Variants in GALNTL6 observed in about 807,000 individuals in gnomAD.
The protein encoded by GALNTL6 is polypeptide N-acetylgalactosaminyltransferase like 6, also known as polypeptide N-acetylgalactosaminyltransferase-like 6.
A neutral mutation model predicts 73.7 loss-of-function variants in GALNTL6; 46 were observed. The ratio of observed to expected loss-of-function variants is 0.62; its 90% CI spans 0.49 to 0.80. GALNTL6 has a LOEUF of 0.80. Ranked by LOEUF, GALNTL6 falls within the 30% of genes least tolerant of loss-of-function variation. The pLI, the probability that GALNTL6 is intolerant of heterozygous loss-of-function variation, is 0.00. For missense variants in GALNTL6, 604 were observed against 755.0 expected (o/e 0.80, Z 2.34); for synonymous variants, 259 against 263.7 (o/e 0.98, Z 0.17).
chr4:172,007,502 A>C (rs1010395442), intron 2 of GALNTL6, among the ~76,000 whole-genome samples: 1 of 152,174 alleles, frequency 6.6e-6, no homozygotes, highest in East Asian at 1.9e-4. Context: ...GAAATCAAGT[A>C]ACAGCAGCAA....
At chr4:172,696,714 T>G (rs1038105289) in intron 5 of GALNTL6, among the ~76,000 whole-genome samples, 7 of 152,202 alleles carry the variant, frequency 4.6e-5, no homozygotes, top group Non-Finnish European at 7.4e-5. Context: ...TCCCTGACCA[T>G]GTGGAACTGT....
At chr4:173,023,134 C>A (rs72708768) in intron 12 of GALNTL6, among the ~76,000 whole-genome samples, 1 of 152,148 alleles carries the variant, frequency 6.6e-6, no homozygotes, top group South Asian at 2.1e-4. Context: ...AGTGTCCCCC[C>A]AAATTACAGA....
At chr4:172,832,171 G>A (rs1742675746) in intron 7 of GALNTL6, among the ~76,000 whole-genome samples, 1 of 152,082 alleles carries the variant, frequency 6.6e-6, no homozygotes, top group African/African-American at 2.4e-5. Context: ...ACAAAATGAA[G>A]TTGCGGAACC....
At chr4:172,896,400 T>G (rs1013603021) in intron 8 of GALNTL6, among the ~76,000 whole-genome samples, 1 of 152,068 alleles carries the variant, frequency 6.6e-6, no homozygotes, top group Non-Finnish European at 1.5e-5. Flanking sequence ...GACTCTCAGG[T>G]TGATGTGGTT....
chr4:172,107,228 C>T (rs1732700053), intron 2 of GALNTL6, among the ~76,000 whole-genome samples: 1 of 152,156 alleles, frequency 6.6e-6, no homozygotes, highest in African/African-American at 2.4e-5. Flanking sequence ...AGGTCTTATA[C>T]AAATGACTAT....
At chr4:172,313,735 C>T (rs1040550429) in intron 4 of GALNTL6, among the ~76,000 whole-genome samples, 2 of 152,026 alleles carry the variant, frequency 1.3e-5, no homozygotes, top group Non-Finnish European at 2.9e-5. Context: ...AATATTCCAA[C>T]TTAGTTACTA....
chr4:172,674,035 G>A (rs1170236612), intron 5 of GALNTL6, among the ~76,000 whole-genome samples: 3 of 152,158 alleles, frequency 2.0e-5, no homozygotes, highest in Non-Finnish European at 4.4e-5. Flanking sequence ...TTGCAGTCTT[G>A]TTTATGTGGT....
chr4:171,935,494 G>T (rs1738312089), intron 2 of GALNTL6, among the ~76,000 whole-genome samples: 1 of 151,956 alleles, frequency 6.6e-6, no homozygotes, highest in African/African-American at 2.4e-5. Flanking sequence ...TTTGAGATGG[G>T]GTCTCAGTCT....
chr4:172,237,151 A>G (rs1330541918), intron 3 of GALNTL6, among the ~76,000 whole-genome samples: 1 of 152,176 alleles, frequency 6.6e-6, no homozygotes, highest in Non-Finnish European at 1.5e-5. Flanking sequence ...TGTCTTTGTT[A>G]TGGTGAATAG....
At chr4:172,974,526 T>A (rs960660237) in intron 10 of GALNTL6, among the ~76,000 whole-genome samples, 4 of 152,240 alleles carry the variant, frequency 2.6e-5, no homozygotes, top group Non-Finnish European at 4.4e-5. Flanking sequence ...GACCCAATTA[T>A]TCATCATTTA....
At chr4:172,565,515 T>A (rs1486454385) in intron 5 of GALNTL6, among the ~76,000 whole-genome samples, 1 of 152,216 alleles carries the variant, frequency 6.6e-6, no homozygotes, top group Non-Finnish European at 1.5e-5. Flanking sequence ...TAGTATTTTG[T>A]TGAGGATATT....
intron 2 of GALNTL6, among the ~76,000 whole-genome samples, chr4:172,165,587 A>G (rs1014525908): frequency 6.6e-6 from 1 of 152,174 alleles, no homozygotes; most frequent in Non-Finnish European, 1.5e-5. Context: ...ATAGAATGGT[A>G]GCACTGTTTT....
intron 5 of GALNTL6, among the ~76,000 whole-genome samples, chr4:172,684,584 G>T (rs1434076207): frequency 3.3e-5 from 5 of 152,154 alleles, no homozygotes; most frequent in African/African-American, 1.2e-4. Context: ...TCAGGTCATG[G>T]AAAAGGAAGA....
intron 2 of GALNTL6, among the ~76,000 whole-genome samples, chr4:171,955,860 C>T (rs1312946837): frequency 6.6e-6 from 1 of 152,068 alleles, no homozygotes; most frequent in East Asian, 1.9e-4. Flanking sequence ...ACTTGCTTTC[C>T]CCCAAAAAGA....
intron 5 of GALNTL6, among the ~76,000 whole-genome samples, chr4:172,396,271 C>T (rs1195439324): frequency 2.0e-5 from 3 of 151,682 alleles, no homozygotes; most frequent in African/African-American, 4.8e-5. Flanking sequence ...TGCCTTCTTC[C>T]GATCTAAAGC....
intron 2 of GALNTL6, among the ~76,000 whole-genome samples, chr4:171,975,892 T>G (rs1739706575): frequency 6.6e-6 from 1 of 152,120 alleles, no homozygotes; most frequent in Non-Finnish European, 1.5e-5. Context: ...GTCAATTGAC[T>G]TCATGCACAA....
At chr4:171,942,065 C>T (rs756313156) in intron 2 of GALNTL6, among the ~76,000 whole-genome samples, 4 of 151,814 alleles carry the variant, frequency 2.6e-5, no homozygotes, top group Non-Finnish European at 5.9e-5. Context: ...TATGCTATAG[C>T]GATTTTAACA....
intron 4 of GALNTL6, among the ~76,000 whole-genome samples, chr4:172,336,496 C>CA (rs1293148973): frequency 2.0e-5 from 3 of 150,700 alleles, no homozygotes; most frequent in African/African-American, 7.3e-5. Flanking sequence ...AGGCTGGTCT[C>CA]AAACTCCTGA....
intron 2 of GALNTL6, among the ~76,000 whole-genome samples, chr4:171,846,438 G>C (rs1302400092): frequency 1.3e-5 from 2 of 152,094 alleles, no homozygotes; most frequent in South Asian, 2.1e-4. Context: ...TAGACAGTAG[G>C]GGGCAGTGCA....
Sources: allele counts gnomAD v4.1 joint callset (sites outside exome capture counted in the v4.1 genomes callset), GRCh38; gene constraint gnomAD v4.1.1; transcripts MANE v1.5; gene names NCBI Gene and HGNC (gene_info 2026-07-23, HGNC 2026-07-21).